Variants in DST observed in about 807,000 individuals in gnomAD.
DST encodes bullous pemphigoid antigen.
In DST, 253 loss-of-function variants were observed where a neutral mutation model predicts 875.2. The observed-to-expected ratio is 0.29, with a 90% CI of 0.26 to 0.32. The LOEUF (loss-of-function observed/expected upper bound fraction) is 0.32. Ranked by LOEUF, DST falls within the 10% of genes least tolerant of loss-of-function variation. The pLI is 1.00. For missense variants in DST, 8,287 were observed against 9,111.6 expected, an observed-to-expected ratio of 0.91 and a Z score of 3.68; for synonymous variants, 3,124 against 3,197.1, an observed-to-expected ratio of 0.98 and a Z score of 0.77.
At chr6:56,763,086 G>A (rs188296557) in intron 4 of DST, among the ~76,000 whole-genome samples, 1 of 151,936 alleles carries the variant, frequency 6.6e-6, no homozygotes, top group African/African-American at 2.4e-5. Flanking sequence ...CTGACCTCAG[G>A]TGATCTGCCC....
intron 27 of DST, among the ~76,000 whole-genome samples, chr6:56,633,436 C>T (rs1476426934): frequency 2.0e-5 from 3 of 151,446 alleles, no homozygotes; most frequent in South Asian, 2.1e-4. Flanking sequence ...CCGTTTTAGC[C>T]GGGATGGTCT....
chr6:56,610,095 G>A (rs904738948), intron 39 of DST, among the ~76,000 whole-genome samples: 2 of 152,082 alleles, frequency 1.3e-5, no homozygotes, highest in Non-Finnish European at 2.9e-5. Flanking sequence ...CTTTAGAGAT[G>A]ACCCACAGGC....
intron 3 of DST, among the ~76,000 whole-genome samples, chr6:56,868,245 G>A (rs999065273): frequency 2.6e-5 from 4 of 152,190 alleles, no homozygotes; most frequent in Non-Finnish European, 4.4e-5. Flanking sequence ...TCTCAACTAT[G>A]AGGTCTTGTT....
chr6:56,814,936 C>G (rs1423829503), intron 4 of DST, among the ~76,000 whole-genome samples: 2 of 152,034 alleles, frequency 1.3e-5, no homozygotes, highest in Non-Finnish European at 2.9e-5. Context: ...AAATGAGAGG[C>G]AGGACGGTGG....
chr6:56,501,447 C>G, intron 79 of DST, 73 bp downstream of exon 79: 1 of 1,249,370 alleles, frequency 8.0e-7, no homozygotes, highest in Non-Finnish European at 1.1e-6. Flanking sequence ...CTAATTTTAT[C>G]TTTAATAATT....
chr6:56,555,370 T>C lies in DST; in HGVS notation c.15111A>G (p.Ser5037=). The change falls in exon 60 of 104, where the codon TCA becomes TCG. Residue 5037 remains serine, a synonymous_variant. Coordinates refer to ENST00000680361, the MANE Select transcript of DST (RefSeq NM_001374736.1). ...LSRQLEGILK[S]FKDVEQKAEN... Reference sequence around the variant, plus strand: ...CTGCTTTCTGTTCAACATCCTTAAATGATTTTAAGATGCCTTCTAGTTGCC... The same window carrying C: ...CTGCTTTCTGTTCAACATCCTTAAACGATTTTAAGATGCCTTCTAGTTGCC... 1.3e-6 allele frequency: 2 copies of C among 1,596,440 alleles called. No individual in the cohort carries two copies. The highest frequency in any genetic ancestry group is 1.3e-5 in the African/African-American group (1 of 74,264).
chr6:56,552,022 C>T (rs1434342041), intron 61 of DST, among the ~76,000 whole-genome samples, 162 bp downstream of exon 61: 1 of 152,200 alleles, frequency 6.6e-6, no homozygotes, highest in African/African-American at 2.4e-5. Flanking sequence ...CTTGTAACTG[C>T]CCCACCTGCC....
In DST at chr6:56,501,116, G is replaced by C. The variant is rs1273225067; in HGVS notation, c.19860C>G (p.Asp6620Glu). Residue 6620 changes from aspartate to glutamate, a missense_variant, in exon 80 of 104, where the codon GAC becomes GAG. Asp to Glu is a conservative substitution (Grantham distance 45). Transcript: ENST00000680361. ...LLSEQKPVGG[D>E]PKAIEIELAK... Reference sequence around the variant, plus strand: ...CAAGTTCAATTTCAATGGCTTTAGGGTCTCCTCCAACAGGTTTCTGCTCAC... The same window carrying C: ...CAAGTTCAATTTCAATGGCTTTAGGCTCTCCTCCAACAGGTTTCTGCTCAC... 3 of 1,612,630 alleles carry C rather than the reference G, an allele frequency of 1.9e-6. No homozygotes were observed. In the African/African-American group the frequency reaches 4.0e-5, roughly 22 times the overall value.
intron 36 of DST, chr6:56,619,177 A>C (rs2098661468): frequency 6.2e-7 from 1 of 1,614,128 alleles, no homozygotes; most frequent in African/African-American, 1.3e-5. Context: ...CTTTAAAACC[A>C]TCTGCCTGAA....
At chr6:56,771,534 A>T (rs2099664454) in intron 4 of DST, among the ~76,000 whole-genome samples, 1 of 152,212 alleles carries the variant, frequency 6.6e-6, no homozygotes, top group Non-Finnish European at 1.5e-5. Flanking sequence ...TCATCAAATA[A>T]ACACAAAAGC....
intron 72 of DST, among the ~76,000 whole-genome samples, chr6:56,512,249 T>C (rs2096491598): frequency 6.6e-6 from 1 of 152,242 alleles, no homozygotes; most frequent in Non-Finnish European, 1.5e-5. Context: ...ATGATATTTA[T>C]ACTAGTGCGT....
chr6:56,532,632 A>G, intron 63 of DST, 122 bp from the exon 64 acceptor site: 1 of 926,780 alleles, frequency 1.1e-6, no homozygotes, highest in Non-Finnish European at 1.6e-6. Flanking sequence ...CACATATGAA[A>G]GGATCTGAAA....
intron 5 of DST, among the ~76,000 whole-genome samples, chr6:56,727,487 C>T (rs1026105377): frequency 2.6e-5 from 4 of 152,230 alleles, no homozygotes; most frequent in Non-Finnish European, 5.9e-5. Flanking sequence ...GTTAGCACCA[C>T]TGAACAAAGT....
chr6:56,553,568 G>T lies in DST; in HGVS notation c.15224C>A (p.Thr5075Lys), dbSNP rs757980704. The stretch of plus-strand genomic sequence containing the variant: ...AGATTTGTTTTGCTCTTCTTTCTTT[G>T]TATCCAGCCAAGCCTGAAAATCTCT... ...MSRDFQAWLD[T>K]KKEEQNKSHP... The change falls in exon 61 of 104, where the codon ACA becomes AAA. Residue 5075 changes from threonine to lysine, a missense_variant. Thr to Lys is a moderately conservative substitution (Grantham distance 78). Coordinates refer to ENST00000680361, the MANE Select transcript of DST (RefSeq NM_001374736.1). 4 of 1,613,762 alleles carry T rather than the reference G, an allele frequency of 2.5e-6. No homozygotes were observed. In the South Asian group the frequency reaches 4.4e-5, roughly 18 times the overall value.
At chr6:56,817,848 C>T (rs2099768394) in intron 4 of DST, among the ~76,000 whole-genome samples, 1 of 152,126 alleles carries the variant, frequency 6.6e-6, no homozygotes, top group Non-Finnish European at 1.5e-5. Flanking sequence ...ATATGTTACC[C>T]TAAGTGGCAA....
At chr6:56,801,210 T>C (rs2099746414) in intron 4 of DST, among the ~76,000 whole-genome samples, 1 of 152,160 alleles carries the variant, frequency 6.6e-6, no homozygotes, top group South Asian at 2.1e-4. Flanking sequence ...TATCCTCTTT[T>C]TGTTTTAGGA....
At chr6:56,665,068 C>A (rs189710099) in intron 10 of DST, among the ~76,000 whole-genome samples, 87 of 152,296 alleles carry the variant, frequency 5.7e-4, no homozygotes, top group African/African-American at 2.0e-3. Flanking sequence ...GCTCTTCATC[C>A]TCTTTAGGAT....
At chr6:56,750,728 A>G (rs369861068) in intron 4 of DST, among the ~76,000 whole-genome samples, 1 of 152,268 alleles carries the variant, frequency 6.6e-6, no homozygotes, top group South Asian at 2.1e-4. Context: ...CAATAGCAAC[A>G]GACACATACT....
intron 10 of DST, among the ~76,000 whole-genome samples, chr6:56,656,638 G>T (rs546221157): frequency 8.1e-4 from 123 of 152,292 alleles, no homozygotes; most frequent in Non-Finnish European, 1.4e-3. Context: ...AATCTGGTAA[G>T]TGGCAGTCAG....
Sources: gnomAD v4.1 joint callset for allele counts (sites outside exome capture counted in the v4.1 genomes callset) on GRCh38, gnomAD v4.1.1 for gene constraint, MANE v1.5 for transcripts, NCBI Gene and HGNC (gene_info 2026-07-23, HGNC 2026-07-21) for gene names.